SLCO1A2: variants seen among roughly 807,000 people sequenced by gnomAD.
SLCO1A2 encodes solute carrier organic anion transporter family member 1A2.
SLCO1A2 carries 67 observed loss-of-function variants against 69.0 expected under a neutral mutation model. The observed-to-expected ratio is 0.97, with a 90% CI of 0.80 to 1.19. The LOEUF (loss-of-function observed/expected upper bound fraction) is 1.19. SLCO1A2 is among the 50% of genes most tolerant of loss of function. The pLI is 0.00. For synonymous variants in SLCO1A2, 260 were observed against 265.9 expected (o/e 0.98, Z 0.22); for missense variants, 787 against 793.7 (o/e 0.99, Z 0.10).
chr12:21,362,627 G>A (rs146633074), intron 2 of SLCO1A2, among the ~76,000 whole-genome samples: 3,938 of 152,156 alleles, frequency 0.026, 201 homozygotes, highest in African/African-American at 0.09. Context: ...GAGTCAAGAC[G>A]CATCAGTGTG....
rs539526209 is a variant in SLCO1A2 at position 21,416,252 on chromosome 12, T to C, written c.-312+1630A>G. Among the ~76,000 whole-genome samples the C allele has an allele frequency of 4.6e-5, 7 of 152,148 alleles. 1 individual carries two copies. The highest frequency in any genetic ancestry group is 1.7e-4 in the African/African-American group (7 of 41,502). On this transcript the variant is annotated intron_variant, in intron 1 of 4. Coordinates refer to the SLCO1A2 transcript ENST00000413682. The stretch of plus-strand genomic sequence containing the variant: ...ATTTTACCTTGGAAATATTGGCTAA[T>C]CTGTCAGGCAATGCTGGGAAGGAAG...
chr12:21,292,431 G>T, intron 11 of SLCO1A2, 95 bp from the exon 12 acceptor site: 4 of 895,252 alleles, frequency 4.5e-6, no homozygotes, highest in Non-Finnish European at 6.8e-6. Context: ...GATGGAGACT[G>T]CTTGTTCCCT....
chr12:21,414,963 A>T (rs1225948098), intron 1 of SLCO1A2, among the ~76,000 whole-genome samples: 23 of 152,030 alleles, frequency 1.5e-4, no homozygotes, highest in Admixed American at 1.3e-3. Flanking sequence ...GAATAACTAC[A>T]CTAATTTTCA....
At chr12:21,342,753 A>C (rs1953114366) in intron 2 of SLCO1A2, among the ~76,000 whole-genome samples, 1 of 152,118 alleles carries the variant, frequency 6.6e-6, no homozygotes, top group African/African-American at 2.4e-5. Flanking sequence ...AGAATCATCT[A>C]TTCATAAAAA....
chr12:21,341,895 T>C (rs1336254797), intron 2 of SLCO1A2, among the ~76,000 whole-genome samples: 1 of 152,038 alleles, frequency 6.6e-6, no homozygotes, highest in Non-Finnish European at 1.5e-5. Flanking sequence ...AATGATGATT[T>C]AAATCATGTA....
rs139757892 is a variant in SLCO1A2, at chr12:21,298,407, G to C, written c.911-839C>G. Among the ~76,000 whole-genome samples, 167 of 152,220 alleles carry C rather than the reference G, an allele frequency of 1.1e-3. 4 individuals carry two copies. In the East Asian group the frequency reaches 0.026, roughly 24 times the overall value. On this transcript the variant is annotated intron_variant, in intron 8 of 14. Coordinates refer to ENST00000683939, the MANE Select transcript of SLCO1A2 (RefSeq NM_001386879.1). The stretch of plus-strand genomic sequence containing the variant: ...TCACACTGCTACCATTCAGGCTCAA[G>C]TTCTCACTTTTAATTTCCTTTCACT...
chr12:21,384,763 TTTTTTC>T (rs1257238233), intron 1 of SLCO1A2, among the ~76,000 whole-genome samples: 21 of 148,630 alleles, frequency 1.4e-4, no homozygotes, highest in Non-Finnish European at 1.6e-4. Context: ...CACTTAGTTT[TTTTTTC>T]TTTTTTTTTT....
intron 2 of SLCO1A2, among the ~76,000 whole-genome samples, chr12:21,346,079 A>G (rs1953242369): frequency 6.6e-6 from 1 of 152,074 alleles, no homozygotes; most frequent in African/African-American, 2.4e-5. Context: ...AAACACTACA[A>G]TTAGGAAGAA....
chr12:21,291,413 A>G (rs1017745956), intron 12 of SLCO1A2, among the ~76,000 whole-genome samples: 9 of 152,174 alleles, frequency 5.9e-5, no homozygotes, highest in Non-Finnish European at 8.8e-5. Flanking sequence ...AAATAAATAA[A>G]TGAAGTAAAA....
chr12:21,311,337 C>G (rs1007819409), intron 4 of SLCO1A2, among the ~76,000 whole-genome samples: 1 of 152,076 alleles, frequency 6.6e-6, no homozygotes, highest in Non-Finnish European at 1.5e-5. Context: ...GCCCTCCTCT[C>G]CTTTTCCTAG....
At chr12:21,273,863 CT>C (rs1943323264) in intron 14 of SLCO1A2, 1 of 152,074 alleles carries the variant, frequency 6.6e-6, no homozygotes, top group Admixed American at 6.6e-5. Flanking sequence ...AATGAAGTAG[CT>C]TTATTATTGC....
Position 21,304,580 on chromosome 12 carries a change from T to TA in SLCO1A2, c.443-8dup, listed in dbSNP as rs3833795. The TA allele has an allele frequency of 0.016, 20,503 of 1,263,150 alleles. No individual in the cohort carries two copies. The highest frequency in any genetic ancestry group is 0.025 in the South Asian group (1,678 of 67,806). 78.2% of individuals were successfully genotyped at this position (1,263,150 alleles called of 1,614,324 possible). A position where few individuals can be genotyped will look rare whatever the true frequency, so the allele number is the denominator to read the frequency against. On this transcript the variant is annotated splice_polypyrimidine_tract_variant and splice_region_variant and intron_variant, in intron 5 of 14. Transcript: ENST00000683939. ...TTAACTTCCTTTGTACACTCTGCAT[T>TA]AAAAAAAAAAGACATGACATTAGTG...
In SLCO1A2 at chr12:21,265,118, G is replaced by A. The variant is rs538106450; in HGVS notation, c.*4430C>T. The A allele has an allele frequency of 1.3e-4, 20 of 152,300 alleles. No homozygotes were observed. Among genetic ancestry groups the A allele is most frequent in the African/African-American group, 4.8e-4 (20 of 41,564 alleles). 9.4% of individuals were successfully genotyped at this position (152,300 alleles called of 1,614,324 possible). ...AAAATAAAACATCAATTGTATGAGT[G>A]TAATAGACATTCTAGTTCTTCAGCA... is the stretch of plus-strand genomic sequence containing the variant. On this transcript the variant is annotated 3_prime_UTR_variant, in exon 15 of 15. Transcript: ENST00000683939.
Position 21,334,595 on chromosome 12 carries a change from T to C in SLCO1A2, c.53A>G (p.Lys18Arg), listed in dbSNP as rs190779712. The C allele has an allele frequency of 6.2e-7, 1 of 1,609,428 alleles. No homozygotes were observed. Among genetic ancestry groups the C allele is most frequent in the East Asian group, 2.2e-5 (1 of 44,694 alleles). The change falls in exon 2 of 15, where the codon AAG becomes AGG. Residue 18 changes from lysine to arginine, a missense_variant. Transcript: ENST00000683939. ...IETHRIRCLS[K>R]LKMFLLAITC... ...CATACAAAAATTCCATACCTTCAAC[T>C]TGGAAAGACATCTTATTCTATGGGT...
intron 5 of SLCO1A2, among the ~76,000 whole-genome samples, chr12:21,305,934 T>C (rs1423097845): frequency 6.6e-6 from 1 of 152,198 alleles, no homozygotes; most frequent in Non-Finnish European, 1.5e-5. Flanking sequence ...CCAGACCAAG[T>C]ATAACCAGAA....
In SLCO1A2 at chr12:21,295,482, G is replaced by A. The variant is rs1230705537; in HGVS notation, c.1271+115C>T. 7.3e-6 allele frequency: 5 copies of A among 684,978 alleles called. No homozygotes were observed. In the African/African-American group the frequency reaches 9.0e-5, roughly 12 times the overall value. The allele number at this position is 684,978 out of a possible 1,614,324, so 42.4% of individuals were successfully genotyped here. On this transcript the variant is annotated intron_variant, in intron 10 of 14. Transcript: ENST00000683939. ...TGGAGGAAAGATACAGGAAAAGCATGGATTACTATCATTAACTCCAATAAG... is the reference window on the plus strand; with the variant it reads ...TGGAGGAAAGATACAGGAAAAGCATAGATTACTATCATTAACTCCAATAAG...
rs535748065 is a variant in SLCO1A2 at position 21,357,105 on chromosome 12, C to CT, written c.-63+17293dup. Among the ~76,000 whole-genome samples, 955 of 152,144 alleles carry CT rather than the reference C, an allele frequency of 6.3e-3. 10 individuals are homozygous for CT. The highest frequency in any genetic ancestry group is 9.2e-3 in the Non-Finnish European group (626 of 67,972). ...AAACACTATAGAATGTCCAGAAAAC[C>CT]TTTATGGGTTGAACTGTGTCCCTGC... On this transcript the variant is annotated intron_variant, in intron 2 of 15. Coordinates refer to the SLCO1A2 transcript ENST00000307378.
In SLCO1A2 at chr12:21,282,194, A is replaced by G. The variant is rs116236204; in HGVS notation, c.1611-6770T>C. Among the ~76,000 whole-genome samples, 856 of 152,104 alleles carry G rather than the reference A, an allele frequency of 5.6e-3. 14 individuals carry two copies. Among genetic ancestry groups the G allele is most frequent in the African/African-American group, 0.02 (819 of 41,524 alleles). ...ATGCAAAAATCCTCAACAAAATACT[A>G]TTAAACCAAATTCAACAACACATTA... On this transcript the variant is annotated intron_variant, in intron 12 of 14. Coordinates refer to ENST00000683939, the MANE Select transcript of SLCO1A2 (RefSeq NM_001386879.1).
At chr12:21,324,127 A>G (rs2136884325) in intron 2 of SLCO1A2, among the ~76,000 whole-genome samples, 1 of 152,346 alleles carries the variant, frequency 6.6e-6, no homozygotes, top group South Asian at 2.1e-4. Context: ...AATGGAAGCT[A>G]TCTCATTAGG....
Sources: gnomAD v4.1 joint callset for allele counts (sites outside exome capture counted in the v4.1 genomes callset) on GRCh38, gnomAD v4.1.1 for gene constraint, MANE v1.5 for transcripts, NCBI Gene and HGNC (gene_info 2026-07-23, HGNC 2026-07-21) for gene names.